Variants in GPD2 observed in about 807,000 individuals in gnomAD.
The protein encoded by GPD2 is glycerol-3-phosphate dehydrogenase, mitochondrial.
Under a neutral mutation model 82.4 loss-of-function variants are expected in GPD2, and 54 were observed. The observed-to-expected ratio is 0.66, with a 90% CI of 0.53 to 0.82. The LOEUF (loss-of-function observed/expected upper bound fraction) is 0.82. GPD2 is among the 40% of genes least tolerant of loss of function. The probability of loss-of-function intolerance (pLI) is 0.00; values close to 1 mark genes in which losing one functional copy is unlikely to be tolerated. For missense variants in GPD2, 748 were observed against 896.2 expected (o/e 0.83, Z 2.11); for synonymous variants, 288 against 306.1 (o/e 0.94, Z 0.62).
At chr2:156,446,141 G>A (rs1682364266) in intron 1 of GPD2, among the ~76,000 whole-genome samples, 1 of 152,134 alleles carries the variant, frequency 6.6e-6, no homozygotes, top group Admixed American at 6.5e-5. Context: ...CTGTTGCCCA[G>A]GTTGAGTGCA....
chr2:156,435,950 C>T (rs1688412206), upstream of GPD2: 4 of 152,482 alleles, frequency 2.6e-5, no homozygotes, highest in African/African-American at 9.6e-5. Flanking sequence ...CTTTCCAGTC[C>T]GCCAGCCCGC....
chr2:156,558,294 T>A (rs1208717530), intron 9 of GPD2, among the ~76,000 whole-genome samples: 1 of 152,178 alleles, frequency 6.6e-6, no homozygotes, highest in African/African-American at 2.4e-5. Flanking sequence ...TTGGTATCCT[T>A]TCTCTTTCCA....
chr2:156,539,169 TAAC>T (rs1322403439), intron 6 of GPD2, among the ~76,000 whole-genome samples: 1 of 152,204 alleles, frequency 6.6e-6, no homozygotes, highest in African/African-American at 2.4e-5. Context: ...GGCAATCTGT[TAAC>T]AATATTAGCT....
intron 9 of GPD2, among the ~76,000 whole-genome samples, chr2:156,564,418 ACT>A (rs2105356065): frequency 6.6e-6 from 1 of 152,206 alleles, no homozygotes; most frequent in East Asian, 1.9e-4. Flanking sequence ...CAAAATTTCC[ACT>A]GTGGGTAAAT....
intron 1 of GPD2, chr2:156,473,600 C>T (rs566739241): frequency 6.6e-6 from 1 of 152,294 alleles, no homozygotes; most frequent in South Asian, 2.1e-4. Flanking sequence ...CTAGGGACCA[C>T]CACACTGCTA....
At chr2:156,490,124 A>G (rs1684120955) in intron 2 of GPD2, among the ~76,000 whole-genome samples, 1 of 152,188 alleles carries the variant, frequency 6.6e-6, no homozygotes, top group Non-Finnish European at 1.5e-5. Flanking sequence ...AGGTCTAGGA[A>G]GATTTGGAAC....
intron 9 of GPD2, among the ~76,000 whole-genome samples, chr2:156,560,970 A>G (rs1044239786): frequency 6.7e-6 from 1 of 149,672 alleles, no homozygotes; most frequent in African/African-American, 2.5e-5. Context: ...TTCCTCCTTA[A>G]CAACCTTATG....
chr2:156,564,438 A>G (rs996750127), intron 9 of GPD2, among the ~76,000 whole-genome samples: 1 of 152,168 alleles, frequency 6.6e-6, no homozygotes, highest in South Asian at 2.1e-4. Context: ...AATACGTGAT[A>G]TGGAGAGGAA....
chr2:156,468,630 A>G (rs979491018), intron 1 of GPD2, among the ~76,000 whole-genome samples: 1 of 152,222 alleles, frequency 6.6e-6, no homozygotes, highest in Non-Finnish European at 1.5e-5. Flanking sequence ...TGCCTTGTAC[A>G]TCTGGATTTC....
intron 1 of GPD2, among the ~76,000 whole-genome samples, chr2:156,474,397 T>C (rs1349741753): frequency 6.6e-6 from 1 of 152,216 alleles, no homozygotes; most frequent in Admixed American, 6.5e-5. Context: ...ATACTGTTTT[T>C]TTAGTATCCT....
chr2:156,513,416 T>A lies in GPD2; in HGVS notation c.581T>A (p.Val194Asp), dbSNP rs1471210808. Residue 194 changes from valine to aspartate, a missense_variant, in exon 6 of 17, where the codon GTC (valine) becomes GAC (aspartate). This residue lies in a region of GPD2 where 692 missense variants were observed against 809.7 expected (regional missense o/e 0.85). Coordinates refer to ENST00000438166, the MANE Select transcript of GPD2 (RefSeq NM_000408.5). ...AGCAATTGCCTAAAAAGCAGTTATG[T>A]CCTCAGCAAATCAAGAGCCCTTGAA... Reference protein sequence around the residue: ...AGSNCLKSSYVLSKSRALEHF... With the variant: ...AGSNCLKSSYDLSKSRALEHF... 1.9e-6 allele frequency: 3 copies of A among 1,612,472 alleles called. No homozygotes were observed. Among genetic ancestry groups the A allele is most frequent in the Non-Finnish European group, 2.5e-6 (3 of 1,178,834 alleles).
the GPD2 span, among the ~76,000 whole-genome samples, chr2:156,425,441 C>G: frequency 2.6e-5 from 4 of 152,176 alleles, no homozygotes; most frequent in Non-Finnish European, 4.4e-5. Flanking sequence ...GATTATGTCA[C>G]TTAAGTCAGT....
intron 2 of GPD2, among the ~76,000 whole-genome samples, chr2:156,480,764 ATCTC>A (rs1444049052): frequency 1.4e-5 from 2 of 147,636 alleles, no homozygotes; most frequent in African/African-American, 2.5e-5. Context: ...GAAAATCAAG[ATCTC>A]TCTCTCTTTT....
chr2:156,482,413 G>A lies in GPD2; in HGVS notation c.102+6206G>A, dbSNP rs115783120. Among the ~76,000 whole-genome samples, 1,377 of 151,838 alleles carry A rather than the reference G, an allele frequency of 9.1e-3. 21 individuals are homozygous for A. Among genetic ancestry groups the A allele is most frequent in the African/African-American group, 0.032 (1,314 of 41,384 alleles). On this transcript the variant is annotated intron_variant, in intron 2 of 16. Coordinates refer to ENST00000438166, the MANE Select transcript of GPD2 (RefSeq NM_000408.5). ...TTCTATGTAGGCTTATATGAATTAT[G>A]GCATACTTGATTTATATAACTGATA...
intron 3 of GPD2, among the ~76,000 whole-genome samples, chr2:156,503,566 A>G (rs1391644189): frequency 6.6e-6 from 1 of 152,198 alleles, no homozygotes; most frequent in African/African-American, 2.4e-5. Context: ...AGTCTGGCTT[A>G]ATAAATTGGA....
intron 6 of GPD2, among the ~76,000 whole-genome samples, chr2:156,535,103 A>T (rs1338474793): frequency 1.3e-5 from 2 of 151,982 alleles, no homozygotes; most frequent in African/African-American, 4.8e-5. Flanking sequence ...TAGGGCCTGA[A>T]TCATGGAGGA....
the GPD2 span, among the ~76,000 whole-genome samples, chr2:156,427,570 A>G: frequency 1.3e-5 from 2 of 152,240 alleles, no homozygotes; most frequent in East Asian, 3.8e-4. Context: ...ATGGTTGTAA[A>G]TTGCTTTGGC....
At chr2:156,421,727 T>C in the GPD2 span, among the ~76,000 whole-genome samples, 1 of 152,244 alleles carries the variant, frequency 6.6e-6, no homozygotes, top group Non-Finnish European at 1.5e-5. Flanking sequence ...CTTCTTCCTG[T>C]TGATGTTTTC....
the GPD2 span, among the ~76,000 whole-genome samples, chr2:156,405,089 TTAGAA>T: frequency 1.4e-4 from 21 of 152,076 alleles, no homozygotes; most frequent in East Asian, 1.9e-4. Flanking sequence ...CAAGAGGTAG[TTAGAA>T]TAGGAGTAGA....
Sources: allele counts gnomAD v4.1 joint callset (sites outside exome capture counted in the v4.1 genomes callset), GRCh38; gene constraint gnomAD v4.1.1; regional missense constraint gnomAD v4.1.1; transcripts MANE v1.5; gene names NCBI Gene and HGNC (gene_info 2026-07-23, HGNC 2026-07-21).